PTAR1: variants seen among roughly 807,000 people sequenced by gnomAD.
PTAR1 encodes the protein protein prenyltransferase alpha subunit repeat-containing protein 1.
A neutral mutation model predicts 45.5 loss-of-function variants in PTAR1; 17 were observed. The observed-to-expected ratio is 0.37, with a 90% CI of 0.26 to 0.56. The LOEUF is 0.56. Among genes scored for constraint, PTAR1 ranks in the 20% least tolerant of loss-of-function variants. The pLI is 0.77. For missense variants in PTAR1, 391 were observed against 476.3 expected, an observed-to-expected ratio of 0.82 and a Z score of 1.67; for synonymous variants, 169 against 171.3, an observed-to-expected ratio of 0.99 and a Z score of 0.11.
chr9:69,727,349 T>C (rs536599779), intron 5 of PTAR1, among the ~76,000 whole-genome samples: 47 of 152,230 alleles, frequency 3.1e-4, no homozygotes, highest in African/African-American at 1.1e-3. Flanking sequence ...GCAATCACCA[T>C]TCTACTATTT....
intron 1 of PTAR1, chr9:69,757,211 C>T (rs181220960): frequency 6.6e-6 from 1 of 152,316 alleles, no homozygotes; most frequent in African/African-American, 2.4e-5. Flanking sequence ...AAACTGTTGT[C>T]TTCTACATTA....
At chr9:69,754,513 A>G (rs1043779059) in intron 1 of PTAR1, among the ~76,000 whole-genome samples, 1 of 148,336 alleles carries the variant, frequency 6.7e-6, no homozygotes, top group African/African-American at 2.5e-5. Flanking sequence ...TTTTGCTATT[A>G]ACATGTTTGG....
At chr9:69,759,344 G>A (rs367545131) in intron 1 of PTAR1, among the ~76,000 whole-genome samples, 2 of 152,268 alleles carry the variant, frequency 1.3e-5, no homozygotes, top group African/African-American at 4.8e-5. Flanking sequence ...ACAATTTTGT[G>A]GCAAGTAAGG....
chr9:69,756,222 A>G (rs1411749016), intron 1 of PTAR1, among the ~76,000 whole-genome samples: 1 of 152,196 alleles, frequency 6.6e-6, no homozygotes, highest in Non-Finnish European at 1.5e-5. Context: ...CCATTGCCTT[A>G]GAAGTGTACA....
At position 69,747,053 on chromosome 9, in the gene PTAR1, G is replaced by C. The variant is rs560353655; in HGVS notation, c.256+3728C>G. On this transcript the variant is annotated intron_variant, in intron 2 of 7. Coordinates refer to ENST00000340434, the MANE Select transcript of PTAR1 (RefSeq NM_001099666.2). ...TTGTTTATTATAGTACACAGTCACA[G>C]AATCAATAGCTAGACTAAGCTAAAA... 1.1e-4 allele frequency among the ~76,000 whole-genome samples: 16 copies of C among 152,334 alleles called. No homozygotes were observed. In the South Asian group the frequency reaches 3.3e-3, roughly 32 times the overall value.
Position 69,718,579 on chromosome 9 carries a change from G to A in PTAR1, c.983-11C>T, listed in dbSNP as rs374763149. On this transcript the variant is annotated splice_polypyrimidine_tract_variant and intron_variant, in intron 7 of 7. Transcript: ENST00000340434. ...ACAGCTGGGAGCCTGCTGGGATAAGGTGCAAGTCACTCAAAGTCCCCCCAG... is the reference window on the plus strand; with the variant it reads ...ACAGCTGGGAGCCTGCTGGGATAAGATGCAAGTCACTCAAAGTCCCCCCAG... 6.2e-6 allele frequency: 10 copies of A among 1,613,532 alleles called. No homozygotes were observed. Among genetic ancestry groups the A allele is most frequent in the East Asian group, 2.2e-5 (1 of 44,866 alleles).
rs1808204162 is a variant in PTAR1 at position 69,710,660 on chromosome 9, TAGTATATGGAG to T, written c.*7671_*7681del. 1 of 152,124 alleles carries T rather than the reference TAGTATATGGAG, an allele frequency of 6.6e-6. No homozygotes were observed. Among genetic ancestry groups the T allele is most frequent in the Non-Finnish European group, 1.5e-5 (1 of 68,018 alleles). The allele number at this position is 152,124 out of a possible 1,614,324, so 9.4% of individuals were successfully genotyped here. ...TATTGAATCCTTAACAAATGTCAAT[TAGTATATGGAG>T]AGAGCTAAAGGACTTCAATGTAGAC... On this transcript the variant is annotated 3_prime_UTR_variant, in exon 8 of 8. Transcript: ENST00000340434.
chr9:69,714,169 A>G lies in PTAR1; in HGVS notation c.*4173T>C, dbSNP rs1564120418. 1 of 152,142 alleles carries G rather than the reference A, an allele frequency of 6.6e-6. No homozygotes were observed. Among genetic ancestry groups the G allele is most frequent in the Non-Finnish European group, 1.5e-5 (1 of 68,008 alleles). 9.4% of individuals were successfully genotyped at this position (152,142 alleles called of 1,614,324 possible). The stretch of plus-strand genomic sequence containing the variant: ...TACCTAGGTATGGGGAGGCAGCAAC[A>G]CATAAAGTGCTAGGGTTTGCACAGT... On this transcript the variant is annotated 3_prime_UTR_variant, in exon 8 of 8. Coordinates refer to ENST00000340434, the MANE Select transcript of PTAR1 (RefSeq NM_001099666.2).
chr9:69,730,322 G>A (rs758046708), intron 5 of PTAR1, among the ~76,000 whole-genome samples: 15 of 151,922 alleles, frequency 9.9e-5, no homozygotes, highest in Non-Finnish European at 1.6e-4. Flanking sequence ...TTTACCACCA[G>A]ATGGTCTCAA....
intron 6 of PTAR1, among the ~76,000 whole-genome samples, chr9:69,723,035 C>G (rs1825096909): frequency 6.6e-6 from 1 of 150,700 alleles, no homozygotes; most frequent in Admixed American, 6.6e-5. Flanking sequence ...ACTTCTGATT[C>G]TGTTTTATTT....
chr9:69,721,542 T>C (rs1325717785), intron 6 of PTAR1, among the ~76,000 whole-genome samples: 4 of 152,218 alleles, frequency 2.6e-5, no homozygotes, highest in Non-Finnish European at 5.9e-5. Context: ...ATGACTCCAA[T>C]TTCGAAATAA....
intron 5 of PTAR1, among the ~76,000 whole-genome samples, chr9:69,729,164 AT>A (rs1825420962): frequency 6.6e-6 from 1 of 152,120 alleles, no homozygotes; most frequent in South Asian, 2.1e-4. Context: ...TACTAAAAAT[AT>A]AAAAATTAGC....
chr9:69,739,102 G>A (rs1195681801), intron 3 of PTAR1, among the ~76,000 whole-genome samples: 4 of 152,016 alleles, frequency 2.6e-5, no homozygotes, highest in African/African-American at 4.8e-5. Flanking sequence ...CACCATGCCC[G>A]GCCAAATACC....
intron 2 of PTAR1, among the ~76,000 whole-genome samples, chr9:69,749,285 T>C (rs1386293751): frequency 6.6e-6 from 1 of 152,164 alleles, no homozygotes; most frequent in Non-Finnish European, 1.5e-5. Flanking sequence ...ATAATCATTC[T>C]ATCCCCTAAC....
intron 5 of PTAR1, among the ~76,000 whole-genome samples, chr9:69,731,234 A>G (rs1245662752): frequency 6.6e-6 from 1 of 152,176 alleles, no homozygotes; most frequent in African/African-American, 2.4e-5. Context: ...GGATGTAGGA[A>G]GAAGAGGGTG....
rs1410874153 is a variant in PTAR1 at position 69,732,267 on chromosome 9, T to C, written c.514A>G (p.Arg172Gly). The change falls in exon 5 of 8, where the codon AGG becomes GGG. Residue 172 changes from arginine to glycine, a missense_variant. By Grantham distance (125) the Arg-to-Gly change is moderately radical. Transcript: ENST00000340434. ...KGNLGTIPTE[R>G]AQRLIQEEME... ...TCTTCTTGTATGAGTCGCTGTGCCC[T>C]TTCTGTGGGAATTGTTCCCAAGTTT... 3.1e-6 allele frequency: 5 copies of C among 1,613,866 alleles called. No individual in the cohort carries two copies. The South Asian group carries it at 4.4e-5, about 14-fold the overall frequency.
At chr9:69,723,018 C>A (rs1328225054) in intron 6 of PTAR1, among the ~76,000 whole-genome samples, 1 of 150,034 alleles carries the variant, frequency 6.7e-6, no homozygotes, top group Non-Finnish European at 1.5e-5. Flanking sequence ...AGGAAGGAGT[C>A]AAAAAAACTT....
At chr9:69,730,087 G>C (rs1281980637) in intron 5 of PTAR1, among the ~76,000 whole-genome samples, 1 of 152,004 alleles carries the variant, frequency 6.6e-6, no homozygotes, top group Non-Finnish European at 1.5e-5. Context: ...AAATGTTCTA[G>C]GTGGGCCCAA....
Position 69,715,654 on chromosome 9 carries a change from T to C in PTAR1, c.*2688A>G, listed in dbSNP as rs927455736. 1 of 152,010 alleles carries C rather than the reference T, an allele frequency of 6.6e-6. No individual in the cohort carries two copies. Among genetic ancestry groups the C allele is most frequent in the African/African-American group, 2.4e-5 (1 of 41,394 alleles). 9.4% of individuals were successfully genotyped at this position (152,010 alleles called of 1,614,324 possible). ...TAACAATTAGATTGTTATAGAAAAA[T>C]AAGTGAAGACTAAAAGTCCCAGAAA... On this transcript the variant is annotated 3_prime_UTR_variant, in exon 8 of 8. Transcript: ENST00000340434.
Sources: allele counts gnomAD v4.1 joint callset (sites outside exome capture counted in the v4.1 genomes callset), GRCh38; gene constraint gnomAD v4.1.1; transcripts MANE v1.5; gene names NCBI Gene and HGNC (gene_info 2026-07-23, HGNC 2026-07-21).